Variants in HCN1 observed in about 807,000 individuals in gnomAD.
The protein encoded by HCN1 is hyperpolarization activated cyclic nucleotide gated potassium channel 1.
HCN1 carries 13 observed loss-of-function variants against 78.9 expected under a neutral mutation model. The ratio of observed to expected loss-of-function variants is 0.16; its 90% CI spans 0.11 to 0.26. HCN1 has a LOEUF of 0.26. HCN1 is among the 10% of genes least tolerant of loss of function. HCN1 has a pLI of 1.00. For synonymous variants in HCN1, 552 were observed against 455.5 expected, an observed-to-expected ratio of 1.21 and a Z score of -2.70; for missense variants, 810 against 1,154.3, an observed-to-expected ratio of 0.70 and a Z score of 4.32.
intron 6 of HCN1, among the ~76,000 whole-genome samples, chr5:45,289,308 T>C (rs567174608): frequency 5.3e-5 from 8 of 152,030 alleles, no homozygotes; most frequent in Admixed American, 1.3e-4. Flanking sequence ...GAACAGAGAA[T>C]AAAAAAGGTG....
intron 5 of HCN1, 114 bp from the exon 6 acceptor site, chr5:45,303,953 C>A (rs1561096468): frequency 1.0e-6 from 1 of 984,032 alleles, no homozygotes; most frequent in East Asian, 2.6e-5. Flanking sequence ...AATTTAGATA[C>A]AAAAATTCAT....
intron 2 of HCN1, among the ~76,000 whole-genome samples, chr5:45,470,541 A>G (rs1741370252): frequency 6.6e-6 from 1 of 151,932 alleles, no homozygotes; most frequent in Non-Finnish European, 1.5e-5. Flanking sequence ...TCCAGAAGGA[A>G]GGCATCATAA....
At chr5:45,581,243 G>T (rs1008024828) in intron 2 of HCN1, among the ~76,000 whole-genome samples, 2 of 152,218 alleles carry the variant, frequency 1.3e-5, no homozygotes, top group African/African-American at 4.8e-5. Flanking sequence ...ACTGGTGTGA[G>T]ATGGTATCTC....
intron 1 of HCN1, among the ~76,000 whole-genome samples, chr5:45,675,202 A>G (rs1746242771): frequency 1.3e-5 from 2 of 151,710 alleles, no homozygotes; most frequent in African/African-American, 4.8e-5. Flanking sequence ...CGAGTCTGAT[A>G]GTAGCTTGGC....
At chr5:45,570,174 T>C (rs1743796031) in intron 2 of HCN1, among the ~76,000 whole-genome samples, 1 of 152,136 alleles carries the variant, frequency 6.6e-6, no homozygotes, top group Non-Finnish European at 1.5e-5. Context: ...TTTAATCTGA[T>C]ATTCTCTTTC....
rs569012086 is a variant in HCN1 at position 45,283,347 on chromosome 5, T to A, written c.1619-16094A>T. Among the ~76,000 whole-genome samples the A allele has an allele frequency of 2.0e-5, 3 of 151,994 alleles. No homozygotes were observed. The East Asian group carries it at 5.8e-4, about 29-fold the overall frequency. On this transcript the variant is annotated intron_variant, in intron 6 of 7. Coordinates refer to ENST00000303230, the MANE Select transcript of HCN1 (RefSeq NM_021072.4). ...ACAGCAAAATAAACTATCAACAGAG[T>A]AAACAGACAACCTACAGAATGGGAG...
chr5:45,276,049 G>C (rs1425497086), intron 6 of HCN1, among the ~76,000 whole-genome samples: 1 of 151,896 alleles, frequency 6.6e-6, no homozygotes, highest in Non-Finnish European at 1.5e-5. Context: ...TGACAGCTCT[G>C]TTTTCCTATG....
At chr5:45,594,128 A>T (rs1261095610) in intron 2 of HCN1, among the ~76,000 whole-genome samples, 2 of 152,170 alleles carry the variant, frequency 1.3e-5, no homozygotes, top group African/African-American at 2.4e-5. Flanking sequence ...GCGGAATGAA[A>T]GTTTCATGTC....
intron 2 of HCN1, among the ~76,000 whole-genome samples, chr5:45,635,672 C>CT (rs1745343787): frequency 1.3e-5 from 2 of 152,140 alleles, no homozygotes; most frequent in Non-Finnish European, 2.9e-5. Flanking sequence ...TTCCTTTTCA[C>CT]ACTAAGACAC....
At position 45,509,175 on chromosome 5, in the gene HCN1, G is replaced by A. The variant is rs1045781416; in HGVS notation, c.850-47168C>T. Among the ~76,000 whole-genome samples, 3 of 152,034 alleles carry A rather than the reference G, an allele frequency of 2.0e-5. No individual in the cohort carries two copies. In the East Asian group the frequency reaches 5.8e-4, roughly 29 times the overall value. On this transcript the variant is annotated intron_variant, in intron 2 of 7. Coordinates refer to ENST00000303230, the MANE Select transcript of HCN1 (RefSeq NM_021072.4). The stretch of plus-strand genomic sequence containing the variant: ...GCATTGTATCATTTTCTGCTAAATC[G>A]ATCTTGTTCATTTGTAACTAGGAGT...
intron 3 of HCN1, among the ~76,000 whole-genome samples, chr5:45,399,726 T>C (rs1362252298): frequency 1.3e-5 from 2 of 152,066 alleles, no homozygotes; most frequent in Admixed American, 6.6e-5. Flanking sequence ...ATAAAGAAAA[T>C]AACTAGCCCC....
intron 2 of HCN1, among the ~76,000 whole-genome samples, chr5:45,523,978 G>C (rs1742672563): frequency 6.6e-6 from 1 of 152,084 alleles, no homozygotes; most frequent in Non-Finnish European, 1.5e-5. Context: ...TTCTTCTAGG[G>C]TTTTTATGGT....
At chr5:45,374,310 A>ATATACATAATATATATATTG (rs1561130570) in intron 4 of HCN1, among the ~76,000 whole-genome samples, 38 of 91,526 alleles carry the variant, frequency 4.2e-4, no homozygotes, top group South Asian at 2.9e-3. Flanking sequence ...TGTATACATT[A>ATATACATAATATATATATTG]TATACATTAT....
At chr5:45,509,490 C>T (rs1742367681) in intron 2 of HCN1, among the ~76,000 whole-genome samples, 1 of 152,140 alleles carries the variant, frequency 6.6e-6, no homozygotes, top group African/African-American at 2.4e-5. Flanking sequence ...ATGAACTGCA[C>T]TCATGAAAGT....
chr5:45,585,749 G>A lies in HCN1; in HGVS notation c.849+59436C>T, dbSNP rs569338152. On this transcript the variant is annotated intron_variant, in intron 2 of 7. Coordinates refer to ENST00000303230, the MANE Select transcript of HCN1 (RefSeq NM_021072.4). Reference sequence around the variant, plus strand: ...TGTTAGTTTTCCTTCTAACAGTCGGGACCCTCAGCTGCAGGTCTGCTGGAG... The same window carrying A: ...TGTTAGTTTTCCTTCTAACAGTCGGAACCCTCAGCTGCAGGTCTGCTGGAG... Among the ~76,000 whole-genome samples, 187 of 152,258 alleles carry A rather than the reference G, an allele frequency of 1.2e-3. 1 individual carries two copies. The highest frequency in any genetic ancestry group is 4.4e-3 in the African/African-American group (181 of 41,538).
intron 4 of HCN1, among the ~76,000 whole-genome samples, chr5:45,372,805 T>A (rs969408404): frequency 2.1e-5 from 3 of 141,500 alleles, no homozygotes; most frequent in African/African-American, 7.9e-5. Context: ...TTACGTATTC[T>A]ATACACAAAT....
intron 1 of HCN1, 61 bp from the exon 2 acceptor site, chr5:45,645,669 T>A: frequency 9.6e-7 from 1 of 1,040,576 alleles, no homozygotes; most frequent in Non-Finnish European, 1.4e-6. Flanking sequence ...ATCCCCCCCA[T>A]GAAAAATTAT....
intron 5 of HCN1, among the ~76,000 whole-genome samples, chr5:45,336,977 T>C (rs1746470221): frequency 6.6e-6 from 1 of 151,920 alleles, no homozygotes; most frequent in Admixed American, 6.6e-5. Context: ...GATTTCAACA[T>C]ATGAACTGGG....
chr5:45,262,332 C>A lies in HCN1; in HGVS notation c.2262G>T (p.Gln754His). The change falls in exon 8 of 8, where the codon CAG becomes CAT. Residue 754 changes from glutamine (Q) to histidine (H), a missense_variant. Transcript: ENST00000303230. ...PQTQPQQPSP[Q>H]PQTPGSSTPK... ...GCGTGGAGCTGCCAGGTGTCTGTGG[C>A]TGCGGGGACGGCTGCTGTGGCTGAG... The A allele has an allele frequency of 6.2e-7, 1 of 1,613,616 alleles. No homozygotes were observed.
Sources: gnomAD v4.1 joint callset for allele counts (sites outside exome capture counted in the v4.1 genomes callset) on GRCh38, gnomAD v4.1.1 for gene constraint, MANE v1.5 for transcripts, NCBI Gene and HGNC (gene_info 2026-07-23, HGNC 2026-07-21) for gene names.